IQGAP3: variants seen among roughly 807,000 people sequenced by gnomAD.
The protein encoded by IQGAP3 is IQ motif containing GTPase activating protein 3.
IQGAP3 carries 165 observed loss-of-function variants against 208.2 expected under a neutral mutation model. That is an observed-to-expected ratio of 0.79 (90% CI 0.70 to 0.90). IQGAP3 has a LOEUF of 0.90. Among genes scored for constraint, IQGAP3 ranks in the 40% least tolerant of loss-of-function variants. The pLI, the probability that IQGAP3 is intolerant of heterozygous loss-of-function variation, is 0.00. For synonymous variants in IQGAP3, 703 were observed against 803.6 expected (o/e 0.87, Z 2.12); for missense variants, 1,811 against 2,043.1 (o/e 0.89, Z 2.19).
intron 28 of IQGAP3, 137 bp from the exon 29 acceptor site, chr1:156,534,870 C>T: frequency 1.2e-5 from 8 of 686,808 alleles, no homozygotes; most frequent in African/African-American, 1.8e-5. Flanking sequence ...CCAGAGCAGG[C>T]AGACAACTTG....
intron 13 of IQGAP3, among the ~76,000 whole-genome samples, chr1:156,553,385 T>C (rs982273926): frequency 3.3e-5 from 5 of 152,174 alleles, no homozygotes; most frequent in Non-Finnish European, 7.4e-5. Context: ...GCACATTGCT[T>C]TCTTAAGGCC....
At chr1:156,535,073 T>G in intron 28 of IQGAP3, 90 bp downstream of exon 28, 1 of 986,016 alleles carries the variant, frequency 1.0e-6, no homozygotes, top group Non-Finnish European at 1.6e-6. Flanking sequence ...TGGCATAGGA[T>G]TTTTTGTGTT....
rs1050052569 is a variant in IQGAP3, at chr1:156,539,550, G to A, written c.2893-13C>T. On this transcript the variant is annotated splice_polypyrimidine_tract_variant and intron_variant, in intron 24 of 37. Transcript: ENST00000361170. ...AGATGGGCTGAGTCTGCAAGCAAGA[G>A]GGGAGACAGGAATGGCTGACCATGC... 1.2e-6 allele frequency: 2 copies of A among 1,613,782 alleles called. No individual in the cohort carries two copies. The highest frequency in any genetic ancestry group is 1.1e-5 in the South Asian group (1 of 91,060).
At chr1:156,568,570 AG>A (rs1285842348) in intron 2 of IQGAP3, among the ~76,000 whole-genome samples, 13 of 152,156 alleles carry the variant, frequency 8.5e-5, no homozygotes, top group Non-Finnish European at 1.6e-4. Flanking sequence ...TCCAGGATGG[AG>A]TGCAGTGGTG....
chr1:156,537,133 C>T (rs373766803), intron 27 of IQGAP3, 48 bp downstream of exon 27: 1 of 1,586,020 alleles, frequency 6.3e-7, no homozygotes, highest in Non-Finnish European at 8.6e-7. Context: ...GGTGGCCTGG[C>T]CCTCTTGAAA....
chr1:156,562,094 GC>G, intron 9 of IQGAP3, 93 bp from the exon 10 acceptor site: 1 of 1,156,082 alleles, frequency 8.6e-7, no homozygotes, highest in Non-Finnish European at 1.2e-6. Context: ...CTTCTTGCCT[GC>G]CCGGAATTAC....
At chr1:156,527,302 A>G (rs1674132358) in intron 37 of IQGAP3, among the ~76,000 whole-genome samples, 1 of 151,598 alleles carries the variant, frequency 6.6e-6, no homozygotes, top group Non-Finnish European at 1.5e-5. Context: ...CAACATGGTG[A>G]AACCCCATCT....
chr1:156,550,411 G>A (rs1053283034), intron 15 of IQGAP3, 60 bp from the exon 16 acceptor site: 1 of 1,341,088 alleles, frequency 7.5e-7, no homozygotes, highest in Non-Finnish European at 1.1e-6. Flanking sequence ...TAGGTTCCCA[G>A]GCCAAGATGC....
At chr1:156,553,030 C>T (rs1020284192) in intron 13 of IQGAP3, among the ~76,000 whole-genome samples, 2 of 152,128 alleles carry the variant, frequency 1.3e-5, no homozygotes, top group Non-Finnish European at 2.9e-5. Flanking sequence ...GCCATGATTG[C>T]ACCACTGCAC....
chr1:156,531,094 G>T, intron 33 of IQGAP3, 66 bp downstream of exon 33: 1 of 1,102,072 alleles, frequency 9.1e-7, no homozygotes. Context: ...GGAAACAGCA[G>T]CGGTGCAGGT....
chr1:156,544,236 A>G lies in IQGAP3; in HGVS notation c.2389-13T>C. On this transcript the variant is annotated splice_polypyrimidine_tract_variant and intron_variant, in intron 20 of 37. Transcript: ENST00000361170. ...CCCAGGCCTGGATCTGGGAGAAGAA[A>G]CACACTGCCTCAGCTCCAGCTTGGG... 1 of 1,613,960 alleles carries G rather than the reference A, an allele frequency of 6.2e-7. No individual in the cohort carries two copies. Among genetic ancestry groups the G allele is most frequent in the South Asian group, 1.1e-5 (1 of 91,074 alleles).
intron 20 of IQGAP3, 34 bp from the exon 21 acceptor site, chr1:156,544,257 T>C: frequency 6.2e-7 from 1 of 1,610,432 alleles, no homozygotes; most frequent in Non-Finnish European, 8.5e-7. Flanking sequence ...CAGCTCCAGC[T>C]TGGGGCCCAC....
intron 20 of IQGAP3, 79 bp from the exon 21 acceptor site, chr1:156,544,302 A>C: frequency 6.4e-7 from 1 of 1,567,340 alleles, no homozygotes; most frequent in Non-Finnish European, 8.8e-7. Context: ...AGCTAAATCT[A>C]GAGGTCACAA....
In IQGAP3 at chr1:156,563,680, A is replaced by AT. The variant is rs772744675; in HGVS notation, c.506-15_506-14insA. On this transcript the variant is annotated splice_polypyrimidine_tract_variant and intron_variant, in intron 6 of 37. Coordinates refer to ENST00000361170, the MANE Select transcript of IQGAP3 (RefSeq NM_178229.5). ...TGAGTTCCTCAGCTGCAATGATGCC[A>AT]CAGGTGCCCTTCATCAGGCCCAGAA... The AT allele has an allele frequency of 3.4e-5, 55 of 1,610,914 alleles. No homozygotes were observed. The African/African-American group carries it at 7.2e-4, about 21-fold the overall frequency.
chr1:156,565,201 A>G (rs1676347857), intron 4 of IQGAP3, among the ~76,000 whole-genome samples: 1 of 152,190 alleles, frequency 6.6e-6, no homozygotes, highest in African/African-American at 2.4e-5. Context: ...GCGGCTTCTG[A>G]TCAATGAGAG....
Position 156,528,924 on chromosome 1 carries a change from G to C in IQGAP3, c.4563C>G (p.Pro1521=), listed in dbSNP as rs201066805. 1 of 1,614,150 alleles carries C rather than the reference G, an allele frequency of 6.2e-7. No individual in the cohort carries two copies. ...YIRACLDHLA[P]DSKSSGKGKK... is the part of the protein sequence containing the mutation. ...GGGAAAGCAGCACCTACTTGGAGTC[G>C]GGGGCCAGGTGGTCCAGGCAGGCCC... Residue 1521 remains proline (P), a synonymous_variant, in exon 35 of 38, where the codon CCC becomes CCG. Coordinates refer to ENST00000361170, the MANE Select transcript of IQGAP3 (RefSeq NM_178229.5).
chr1:156,563,929 C>T (rs1676284408), intron 5 of IQGAP3, 105 bp from the exon 6 acceptor site: 1 of 808,258 alleles, frequency 1.2e-6, no homozygotes, highest in African/African-American at 1.7e-5. Context: ...GAGATGAAGA[C>T]CACTCAGCAC....
chr1:156,561,137 C>T lies in IQGAP3; in HGVS notation c.1042-116G>A, dbSNP rs564788286. 212 of 685,868 alleles carry T rather than the reference C, an allele frequency of 3.1e-4. No individual in the cohort carries two copies. In the Middle Eastern group the frequency reaches 4.8e-3, roughly 15 times the overall value. 42.5% of individuals were successfully genotyped at this position (685,868 alleles called of 1,614,324 possible). ...CAGCCACCTACCCTCAATCCTACCT[C>T]TCTCCGTTAGGCTGGCTCACTCATC... On this transcript the variant is annotated intron_variant, in intron 10 of 37. Coordinates refer to ENST00000361170, the MANE Select transcript of IQGAP3 (RefSeq NM_178229.5).
chr1:156,548,166 G>A lies in IQGAP3; in HGVS notation c.2211C>T (p.Leu737=), dbSNP rs1250734656. The A allele has an allele frequency of 6.2e-7, 1 of 1,614,130 alleles. No homozygotes were observed. Among genetic ancestry groups the A allele is most frequent in the South Asian group, 1.1e-5 (1 of 91,066 alleles). The change falls in exon 19 of 38, where the codon CTC becomes CTT. Residue 737 remains leucine (L), a synonymous_variant. Transcript: ENST00000361170. ...CTAGGAAGCCACGGAGGCGGGCCTG[G>A]AGCTGGATAACAAAGCCGACGTTGG... is the stretch of plus-strand genomic sequence containing the variant. ...WKANVGFVIQ[L]QARLRGFLVR...
Sources: gnomAD v4.1 joint callset for allele counts (sites outside exome capture counted in the v4.1 genomes callset) on GRCh38, gnomAD v4.1.1 for gene constraint, MANE v1.5 for transcripts, NCBI Gene and HGNC (gene_info 2026-07-23, HGNC 2026-07-21) for gene names.